The following CALCOCO1 variants were observed in gnomAD, a reference collection of about 807,000 sequenced individuals.
CALCOCO1 encodes calcium binding and coiled-coil domain 1.
Under a neutral mutation model 86.3 loss-of-function variants are expected in CALCOCO1, and 44 were observed. That is an observed-to-expected ratio of 0.51 (90% confidence interval 0.40 to 0.66). The LOEUF is 0.66. CALCOCO1 is among the 30% of genes least tolerant of loss of function. CALCOCO1 has a pLI of 0.00. For missense variants in CALCOCO1, 708 were observed against 851.1 expected (o/e 0.83, Z 2.09); for synonymous variants, 297 against 327.6 (o/e 0.91, Z 1.01).
intron 4 of CALCOCO1, 64 bp downstream of exon 4, chr12:53,723,529 G>C: frequency 6.4e-7 from 1 of 1,552,204 alleles, no homozygotes; most frequent in South Asian, 1.1e-5. Context: ...AGGTGGGAAG[G>C]GTCCTCTTGC....
intron 1 of CALCOCO1, chr12:53,726,334 A>G (rs933641356): frequency 6.6e-6 from 1 of 152,156 alleles, no homozygotes; most frequent in African/African-American, 2.4e-5. Context: ...CTGGAGACAC[A>G]CTACAGGATG....
In CALCOCO1 at chr12:53,722,008, C is replaced by G. The variant is rs1482401383; in HGVS notation, c.609+17G>C. Reference sequence around the variant, plus strand: ...GTGAGCAGCCAGGCCCTGTCCCCTACCTGGCCCAGCTCCCACCTTGTACTG... The same window carrying G: ...GTGAGCAGCCAGGCCCTGTCCCCTAGCTGGCCCAGCTCCCACCTTGTACTG... On this transcript the variant is annotated intron_variant, in intron 5 of 14. Coordinates refer to ENST00000550804, the MANE Select transcript of CALCOCO1 (RefSeq NM_020898.3). The G allele has an allele frequency of 6.2e-7, 1 of 1,611,884 alleles. No individual in the cohort carries two copies. The highest frequency in any genetic ancestry group is 2.2e-5 in the East Asian group (1 of 44,890).
Position 53,712,135 on chromosome 12 carries a change from A to AG in CALCOCO1, c.1899-15dup. 6.3e-7 allele frequency: 1 copy of AG among 1,584,914 alleles called. No individual in the cohort carries two copies. Among genetic ancestry groups the AG allele is most frequent in the Admixed American group, 1.8e-5 (1 of 55,892 alleles). On this transcript the variant is annotated splice_polypyrimidine_tract_variant and intron_variant, in intron 14 of 14. Coordinates refer to ENST00000550804, the MANE Select transcript of CALCOCO1 (RefSeq NM_020898.3). ...ACTGTAAAGCCACTAAGAGAGACAG[A>AG]GGGGAAAGGGAGAGGGTCGGCGTGC...
chr12:53,712,263 G>A lies in CALCOCO1; in HGVS notation c.1899-142C>T, dbSNP rs549179980. On this transcript the variant is annotated intron_variant, in intron 14 of 14. Transcript: ENST00000550804. Reference sequence around the variant, plus strand: ...GCAGCATCCTGGCCTCTCCCACAGCGTCTTTCTCCCCACAATCCTGGAAGG... The same window carrying A: ...GCAGCATCCTGGCCTCTCCCACAGCATCTTTCTCCCCACAATCCTGGAAGG... 21 of 660,262 alleles carry A rather than the reference G, an allele frequency of 3.2e-5. 1 individual carries two copies. The highest frequency in any genetic ancestry group is 1.7e-4 in the African/African-American group (9 of 53,980). The allele number at this position is 660,262 out of a possible 1,614,324, so 40.9% of individuals were successfully genotyped here.
At position 53,722,145 on chromosome 12, in the gene CALCOCO1, C is replaced by T; in HGVS notation, c.489G>A (p.Leu163=). ...CCTCCAGCTGTAGCTTCAGCTGCAT[C>T]AGGTCATTCCGTTCTTGCTGGCTCT... ...LDESQQERND[L]MQLKLQLEGQ... The change falls in exon 5 of 15, where the codon CTG becomes CTA. Residue 163 remains leucine (L), a synonymous_variant. Coordinates refer to ENST00000550804, the MANE Select transcript of CALCOCO1 (RefSeq NM_020898.3). 6.2e-7 allele frequency: 1 copy of T among 1,613,762 alleles called. No individual in the cohort carries two copies. Among genetic ancestry groups the T allele is most frequent in the South Asian group, 1.1e-5 (1 of 91,086 alleles).
At position 53,713,837 on chromosome 12, in the gene CALCOCO1, T is replaced by G. The variant is rs747381370; in HGVS notation, c.1655A>C (p.Tyr552Ser). Residue 552 changes from tyrosine to serine, a missense_variant, in exon 13 of 15, where the codon TAT (tyrosine) becomes TCT (serine). Coordinates refer to ENST00000550804, the MANE Select transcript of CALCOCO1 (RefSeq NM_020898.3). ...ESPEDMRLPP[Y>S]GLCERGDPGS... Reference sequence around the variant, plus strand: ...TGGGTCTCCACGCTCACAAAGGCCATAGGGTGGGAGCCTCATGTCTTCTGG... The same window carrying G: ...TGGGTCTCCACGCTCACAAAGGCCAGAGGGTGGGAGCCTCATGTCTTCTGG... 1.9e-6 allele frequency: 3 copies of G among 1,552,100 alleles called. No homozygotes were observed. The highest frequency in any genetic ancestry group is 2.6e-6 in the Non-Finnish European group (3 of 1,151,114).
At position 53,715,798 on chromosome 12, in the gene CALCOCO1, C is replaced by T. The variant is rs773203782; in HGVS notation, c.1255G>A (p.Val419Met). The T allele has an allele frequency of 1.9e-6, 3 of 1,612,980 alleles. No homozygotes were observed. Among genetic ancestry groups the T allele is most frequent in the Non-Finnish European group, 2.5e-6 (3 of 1,180,000 alleles). The change falls in exon 9 of 15, where the codon GTG becomes ATG. Residue 419 changes from valine (V) to methionine (M), a missense_variant. Coordinates refer to ENST00000550804, the MANE Select transcript of CALCOCO1 (RefSeq NM_020898.3). ...SKERAGLLQS[V>M]EAEKDKILKL... is the part of the protein sequence containing the mutation. ...GGTACCCCCCATCCCTCTACCTCCA[C>T]ACTCTGCAGCAGCCCTGCCCGCTCC...
intron 14 of CALCOCO1, 112 bp from the exon 15 acceptor site, chr12:53,712,233 C>G (rs1274696377): frequency 1.1e-6 from 1 of 886,064 alleles, no homozygotes; most frequent in Admixed American, 2.8e-5. Flanking sequence ...TATCCTGTGC[C>G]TAATGCAGCA....
In CALCOCO1 at chr12:53,713,798, G is replaced by A. The variant is rs751535599; in HGVS notation, c.1694C>T (p.Ala565Val). 9.4e-6 allele frequency: 15 copies of A among 1,597,212 alleles called. No homozygotes were observed. Among genetic ancestry groups the A allele is most frequent in the Non-Finnish European group, 1.3e-5 (15 of 1,172,414 alleles). The change falls in exon 13 of 15, where the codon GCT becomes GTT. Residue 565 changes from alanine to valine, a missense_variant. Coordinates refer to ENST00000550804, the MANE Select transcript of CALCOCO1 (RefSeq NM_020898.3). ...AAGGGGAGAAGCCTCTCGAGGCCCAGCAGGAGAGGAGCCTGGGTCTCCACG... is the reference window on the plus strand; with the variant it reads ...AAGGGGAGAAGCCTCTCGAGGCCCAACAGGAGAGGAGCCTGGGTCTCCACG... ...CERGDPGSSP[A>V]GPREASPLVV...
rs1190600531 is a variant in CALCOCO1 at position 53,711,600 on chromosome 12, G to A, written c.*344C>T. 2 of 296,920 alleles carry A rather than the reference G, an allele frequency of 6.7e-6. No individual in the cohort carries two copies. The highest frequency in any genetic ancestry group is 2.2e-5 in the African/African-American group (1 of 46,050). The allele number at this position is 296,920 out of a possible 1,614,324, so 18.4% of individuals were successfully genotyped here. On this transcript the variant is annotated 3_prime_UTR_variant, in exon 15 of 15. Coordinates refer to ENST00000550804, the MANE Select transcript of CALCOCO1 (RefSeq NM_020898.3). Reference sequence around the variant, plus strand: ...GACAAGGGAGTGTGAGTGTGAGTGTGTGTGTGCAGTGGCTGTGTATCAGAA... The same window carrying A: ...GACAAGGGAGTGTGAGTGTGAGTGTATGTGTGCAGTGGCTGTGTATCAGAA...
Position 53,710,859 on chromosome 12 carries a change from C to T in CALCOCO1, c.*1085G>A, listed in dbSNP as rs1945533086. The T allele has an allele frequency of 5.7e-6, 1 of 175,086 alleles. No individual in the cohort carries two copies. Among genetic ancestry groups the T allele is most frequent in the Non-Finnish European group, 1.2e-5 (1 of 83,482 alleles). The allele number at this position is 175,086 out of a possible 1,614,324, so 10.8% of individuals were successfully genotyped here. A position where few individuals can be genotyped will look rare whatever the true frequency, so the allele number is the denominator to read the frequency against. On this transcript the variant is annotated 3_prime_UTR_variant, in exon 15 of 15. Coordinates refer to ENST00000550804, the MANE Select transcript of CALCOCO1 (RefSeq NM_020898.3). Reference sequence around the variant, plus strand: ...ACCCACCCTGGGACTAAACCCTGAGCAGAAGTGACAGGGACCCATGAGTTT... The same window carrying T: ...ACCCACCCTGGGACTAAACCCTGAGTAGAAGTGACAGGGACCCATGAGTTT...
rs140405725 is a variant in CALCOCO1, at chr12:53,709,522, G to C, written c.*2422C>G. ...AGATATCCATGTTGAGGAGCCTGGT[G>C]GGGGGTTGGGGGGCTTCATGGAGGA... On this transcript the variant is annotated 3_prime_UTR_variant, in exon 15 of 15. Transcript: ENST00000550804. 50 of 152,536 alleles carry C rather than the reference G, an allele frequency of 3.3e-4. No homozygotes were observed. Among genetic ancestry groups the C allele is most frequent in the African/African-American group, 1.1e-3 (46 of 41,564 alleles). The allele number at this position is 152,536 out of a possible 1,614,324, so 9.4% of individuals were successfully genotyped here. A position where few individuals can be genotyped will look rare whatever the true frequency, so the allele number is the denominator to read the frequency against.
In CALCOCO1 at chr12:53,716,024, C is replaced by T. The variant is rs1945716193; in HGVS notation, c.1029G>A (p.Glu343=). The T allele has an allele frequency of 1.2e-6, 2 of 1,613,224 alleles. No homozygotes were observed. The highest frequency in any genetic ancestry group is 1.7e-6 in the Non-Finnish European group (2 of 1,180,020). Residue 343 remains glutamate (E), a synonymous_variant, in exon 9 of 15, where the codon GAG becomes GAA. Coordinates refer to ENST00000550804, the MANE Select transcript of CALCOCO1 (RefSeq NM_020898.3). ...QRVAELEPLK[E]QLRGAQELAA... ...CAAGCTCCTGGGCCCCTCGAAGCTG[C>T]TCCTTCAAGGGCTCCAGCTCGGCCT... is the stretch of plus-strand genomic sequence containing the variant.
intron 8 of CALCOCO1, 53 bp from the exon 9 acceptor site, chr12:53,716,100 G>T: frequency 1.2e-6 from 2 of 1,603,518 alleles, no homozygotes; most frequent in Non-Finnish European, 1.7e-6. Context: ...TCATTCATCA[G>T]CCAGGGAGGT....
chr12:53,717,006 C>A (rs1945744660), intron 7 of CALCOCO1, among the ~76,000 whole-genome samples: 1 of 152,230 alleles, frequency 6.6e-6, no homozygotes, highest in Admixed American at 6.5e-5. Context: ...ATAGTTCATT[C>A]TCCACAAGGG....
Position 53,713,148 on chromosome 12 carries a change from G to A in CALCOCO1, c.1850C>T (p.Ala617Val), listed in dbSNP as rs1369344733. 6.2e-7 allele frequency: 1 copy of A among 1,614,064 alleles called. No individual in the cohort carries two copies. The highest frequency in any genetic ancestry group is 8.5e-7 in the Non-Finnish European group (1 of 1,179,994). ...MAAVQSGGEE[A>V]NLLLPELGSA... ...GCCCAGTTCAGGAAGCAGTAAGTTG[G>A]CCTCCTCACCCCCACTCTGCACAGC... Residue 617 changes from alanine to valine, a missense_variant, in exon 14 of 15, where the codon GCC (alanine) becomes GTC (valine). Coordinates refer to ENST00000550804, the MANE Select transcript of CALCOCO1 (RefSeq NM_020898.3).
At position 53,725,119 on chromosome 12, in the gene CALCOCO1, G is replaced by A. The variant is rs767464127; in HGVS notation, c.124C>T (p.Pro42Ser). 6.2e-7 allele frequency: 1 copy of A among 1,611,018 alleles called. No homozygotes were observed. The highest frequency in any genetic ancestry group is 8.5e-7 in the Non-Finnish European group (1 of 1,178,548). Residue 42 changes from proline to serine, a missense_variant, in exon 2 of 15, where the codon CCC (proline) becomes TCC (serine). Coordinates refer to ENST00000550804, the MANE Select transcript of CALCOCO1 (RefSeq NM_020898.3). The stretch of plus-strand genomic sequence containing the variant: ...ATGCCAATCCAGTCACTGGCACTGG[G>A]CATGGTGCCTGGGGGAAGGGTGTAG... ...CHYTLPPGTM[P>S]SASDWIGIFK...
intron 12 of CALCOCO1, 76 bp from the exon 13 acceptor site, chr12:53,713,976 AG>A (rs1484599118): frequency 7.3e-7 from 1 of 1,377,602 alleles, no homozygotes; most frequent in Non-Finnish European, 1.0e-6. Context: ...CCTCTGGATG[AG>A]GGGTATCATT....
rs766506396 is a variant in CALCOCO1, at chr12:53,713,738, T to C, written c.1754A>G (p.His585Arg). ...VISQPAPISP[H>R]LSGPAEDSSS... ...ACTGTCCTCAGCTGGCCCAGAGAGGTGAGGAGAAATGGGAGCCGGCTGGCT... is the reference window on the plus strand; with the variant it reads ...ACTGTCCTCAGCTGGCCCAGAGAGGCGAGGAGAAATGGGAGCCGGCTGGCT... The change falls in exon 13 of 15, where the codon CAC becomes CGC. Residue 585 changes from histidine to arginine, a missense_variant. His to Arg is a conservative substitution (Grantham distance 29). Coordinates refer to ENST00000550804, the MANE Select transcript of CALCOCO1 (RefSeq NM_020898.3). 8 of 1,594,516 alleles carry C rather than the reference T, an allele frequency of 5.0e-6. No homozygotes were observed. In the Admixed American group the frequency reaches 1.4e-4, roughly 28 times the overall value.
Sources: gnomAD v4.1 joint callset for allele counts (sites outside exome capture counted in the v4.1 genomes callset) on GRCh38, gnomAD v4.1.1 for gene constraint, MANE v1.5 for transcripts, NCBI Gene and HGNC (gene_info 2026-07-23, HGNC 2026-07-21) for gene names.